SCMH1: variants seen among roughly 807,000 people sequenced by gnomAD.
SCMH1 encodes the protein polycomb protein SCMH1.
In SCMH1, 37 loss-of-function variants were observed where a neutral mutation model predicts 70.8. The observed-to-expected ratio is 0.52, with a 90% confidence interval of 0.40 to 0.69. SCMH1 has a LOEUF of 0.69. SCMH1 is among the 30% of genes least tolerant of loss of function. The pLI is 0.00. For missense variants in SCMH1, 607 were observed against 827.3 expected, an observed-to-expected ratio of 0.73 and a Z score of 3.27; for synonymous variants, 292 against 307.4, an observed-to-expected ratio of 0.95 and a Z score of 0.52.
intron 1 of SCMH1, among the ~76,000 whole-genome samples, chr1:41,202,394 C>T (rs1014433535): frequency 6.6e-6 from 1 of 151,994 alleles, no homozygotes. Flanking sequence ...TCCTCAACTT[C>T]CTCAGCTTTT....
chr1:41,140,848 GAGTC>G (rs1248589851), intron 6 of SCMH1, among the ~76,000 whole-genome samples: 1 of 152,252 alleles, frequency 6.6e-6, no homozygotes, highest in Non-Finnish European at 1.5e-5. Context: ...GTATATAAAA[GAGTC>G]AGGAGACAAC....
intron 8 of SCMH1, among the ~76,000 whole-genome samples, chr1:41,081,624 C>A (rs971745418): frequency 3.9e-5 from 6 of 152,036 alleles, no homozygotes; most frequent in African/African-American, 1.4e-4. Context: ...TTGAAACCAG[C>A]CTTGCAACAT....
At chr1:41,169,586 C>T (rs1646649984) in intron 2 of SCMH1, among the ~76,000 whole-genome samples, 1 of 152,084 alleles carries the variant, frequency 6.6e-6, no homozygotes, top group South Asian at 2.1e-4. Flanking sequence ...AAAGTTGGGA[C>T]ACTCGTTGTG....
intron 8 of SCMH1, among the ~76,000 whole-genome samples, chr1:41,091,038 CAAAAAAA>C (rs71062575): frequency 8.3e-5 from 10 of 119,900 alleles, no homozygotes; most frequent in Non-Finnish European, 7.0e-5. Context: ...GACTCCGTGT[CAAAAAAA>C]AAAAAAAAAA....
At chr1:41,119,542 A>G (rs1034979157) in intron 6 of SCMH1, among the ~76,000 whole-genome samples, 4 of 152,126 alleles carry the variant, frequency 2.6e-5, no homozygotes, top group African/African-American at 7.2e-5. Context: ...GGGGTAAAAC[A>G]CAATGCTGTT....
rs560803034 is a variant in SCMH1, at chr1:41,045,979, A to C, written c.1498+428T>G. ...TTAGGGCCATGTGCCAAAGGAAAGAATAGATGGCCAATCACCAGGGAGCAA... is the reference window on the plus strand; with the variant it reads ...TTAGGGCCATGTGCCAAAGGAAAGACTAGATGGCCAATCACCAGGGAGCAA... On this transcript the variant is annotated intron_variant, in intron 12 of 14. Transcript: ENST00000337495. 4 of 156,776 alleles carry C rather than the reference A, an allele frequency of 2.6e-5. No individual in the cohort carries two copies. In the South Asian group the frequency reaches 6.0e-4, roughly 24 times the overall value. 9.7% of individuals were successfully genotyped at this position (156,776 alleles called of 1,614,324 possible).
chr1:41,093,086 C>G lies in SCMH1; in HGVS notation c.746-17635G>C, dbSNP rs551891267. 5.4e-4 allele frequency among the ~76,000 whole-genome samples: 81 copies of G among 151,010 alleles called. 2 individuals carry two copies. The South Asian group carries it at 0.016, about 31-fold the overall frequency. ...GACACACGCACACATATGTTTATTGCGGCACTATTCACAATAGCAAAGACT... is the reference window on the plus strand; with the variant it reads ...GACACACGCACACATATGTTTATTGGGGCACTATTCACAATAGCAAAGACT... On this transcript the variant is annotated intron_variant, in intron 8 of 14. Coordinates refer to ENST00000337495, the Ensembl canonical transcript of SCMH1.
At chr1:41,079,813 G>C (rs1659451378) in intron 8 of SCMH1, among the ~76,000 whole-genome samples, 1 of 151,984 alleles carries the variant, frequency 6.6e-6, no homozygotes, top group Admixed American at 6.6e-5. Flanking sequence ...CTTCAGCCTG[G>C]ATTACAGGCT....
At chr1:41,087,967 T>TG (rs1553238474) in intron 8 of SCMH1, among the ~76,000 whole-genome samples, 71 of 151,642 alleles carry the variant, frequency 4.7e-4, no homozygotes, top group African/African-American at 8.2e-4. Context: ...TGTGTGTGTA[T>TG]TTATTTATGC....
chr1:41,075,492 T>C (rs766433290), intron 8 of SCMH1, 41 bp from the exon 9 acceptor site: 2 of 1,529,280 alleles, frequency 1.3e-6, no homozygotes, highest in East Asian at 2.3e-5. Context: ...CCCTCCCCCC[T>C]GCATTCTCAT....
intron 4 of SCMH1, chr1:41,152,877 T>C (rs933730721): frequency 2.5e-6 from 2 of 813,774 alleles, no homozygotes; most frequent in East Asian, 2.8e-5. Context: ...CTAAGCCAAA[T>C]AGATTTGGCC....
rs188263155 is a variant in SCMH1 at position 41,179,368 on chromosome 1, G to C, written c.13+6753C>G. Among the ~76,000 whole-genome samples the C allele has an allele frequency of 1.2e-4, 18 of 152,278 alleles. No homozygotes were observed. The East Asian group carries it at 3.5e-3, about 29-fold the overall frequency. ...AGAAGGCAAGAAATAACTAACATCAGAGCAGAACTGAAGGAAATAGAGACA... is the reference window on the plus strand; with the variant it reads ...AGAAGGCAAGAAATAACTAACATCACAGCAGAACTGAAGGAAATAGAGACA... On this transcript the variant is annotated intron_variant, in intron 2 of 14. Transcript: ENST00000337495.
At chr1:41,058,378 G>GTTTTTTATTTTTTTTTTTTTTTTTTTTTT (rs1651276480) in intron 10 of SCMH1, among the ~76,000 whole-genome samples, 1 of 81,640 alleles carries the variant, frequency 1.2e-5, no homozygotes, top group African/African-American at 5.1e-5. Context: ...TTTCTTTCTT[G>GTTTTTTATTTTTTTTTTTTTTTTTTTTTT]TTTTTTTTTT....
intron 12 of SCMH1, chr1:41,045,784 G>A (rs574742354): frequency 6.6e-6 from 1 of 152,428 alleles, no homozygotes; most frequent in South Asian, 2.1e-4. Flanking sequence ...GAGAGACGCA[G>A]AGTTCCATTG....
At chr1:41,227,622 G>A (rs1161893623) in intron 1 of SCMH1, among the ~76,000 whole-genome samples, 1 of 152,116 alleles carries the variant, frequency 6.6e-6, no homozygotes, top group Non-Finnish European at 1.5e-5. Flanking sequence ...GTATGCCATG[G>A]GTGCAACTAG....
chr1:41,092,516 G>C (rs1663880077), intron 8 of SCMH1, among the ~76,000 whole-genome samples: 1 of 152,144 alleles, frequency 6.6e-6, no homozygotes, highest in African/African-American at 2.4e-5. Context: ...AGCCAAAATT[G>C]ACAAATGGGA....
chr1:41,233,634 C>G (rs1371214638), intron 1 of SCMH1, among the ~76,000 whole-genome samples: 2 of 152,162 alleles, frequency 1.3e-5, no homozygotes, highest in Non-Finnish European at 2.9e-5. Context: ...ATATCTCTAT[C>G]ATCCCGGTAT....
At chr1:41,172,159 T>C (rs973168797) in intron 2 of SCMH1, among the ~76,000 whole-genome samples, 1 of 135,846 alleles carries the variant, frequency 7.4e-6, no homozygotes, top group Non-Finnish European at 1.5e-5. Flanking sequence ...CACTCCAGCC[T>C]GGGCGACAGA....
At chr1:41,058,378 G>GTTGTTT (rs1651268517) in intron 10 of SCMH1, among the ~76,000 whole-genome samples, 1 of 81,640 alleles carries the variant, frequency 1.2e-5, no homozygotes. Flanking sequence ...TTTCTTTCTT[G>GTTGTTT]TTTTTTTTTT....
Sources: allele counts gnomAD v4.1 joint callset (sites outside exome capture counted in the v4.1 genomes callset), GRCh38; gene constraint gnomAD v4.1.1; transcripts MANE v1.5; gene names NCBI Gene and HGNC (gene_info 2026-07-23, HGNC 2026-07-21).